PI4KA: variants seen among roughly 807,000 people sequenced by gnomAD.
PI4KA encodes the protein PI4-kinase alpha.
In PI4KA, 122 loss-of-function variants were observed where a neutral mutation model predicts 271.4. That is an observed-to-expected ratio of 0.45 (90% confidence interval 0.39 to 0.52). The LOEUF (loss-of-function observed/expected upper bound fraction) is 0.52. PI4KA is among the 20% of genes least tolerant of loss of function. PI4KA has a pLI of 0.00. For missense variants in PI4KA, 1,969 were observed against 2,769.1 expected (o/e 0.71, Z 6.48); for synonymous variants, 1,041 against 1,078.8 (o/e 0.96, Z 0.69).
chr22:20,781,884 T>C (rs1165798259), intron 19 of PI4KA, among the ~76,000 whole-genome samples: 2 of 152,166 alleles, frequency 1.3e-5, no homozygotes, highest in Non-Finnish European at 2.9e-5. Context: ...CTTATCTTTA[T>C]CACAGAGATG....
chr22:20,722,699 G>C (rs572018793), intron 42 of PI4KA, among the ~76,000 whole-genome samples: 2 of 152,268 alleles, frequency 1.3e-5, no homozygotes, highest in East Asian at 3.9e-4. Context: ...TTAAAAAGGT[G>C]AGCTGGCCTT....
chr22:20,790,338 C>A (rs557354800), intron 19 of PI4KA, among the ~76,000 whole-genome samples: 1 of 152,192 alleles, frequency 6.6e-6, no homozygotes, highest in Non-Finnish European at 1.5e-5. Context: ...ACTCTATATA[C>A]AAAATAGAGT....
rs550569379 is a variant in PI4KA at position 20,741,202 on chromosome 22, G to C, written c.3741+1026C>G. On this transcript the variant is annotated intron_variant, in intron 32 of 54. Coordinates refer to ENST00000255882, the MANE Select transcript of PI4KA (RefSeq NM_058004.4). ...GTATCCACAGTGGCAATGGTATACA[G>C]CTGTCTCTGCAGAATCCTCTCCCTG... Among the ~76,000 whole-genome samples, 11 of 152,352 alleles carry C rather than the reference G, an allele frequency of 7.2e-5. No individual in the cohort carries two copies. In the South Asian group the frequency reaches 2.3e-3, roughly 32 times the overall value.
chr22:20,779,795 G>T, intron 19 of PI4KA: 2 of 1,614,200 alleles, frequency 1.2e-6, no homozygotes, highest in Non-Finnish European at 1.7e-6. Context: ...TTTCTACTGC[G>T]ATGGGTATGA....
chr22:20,813,321 T>C (rs751479812), intron 8 of PI4KA, 37 bp downstream of exon 8: 5 of 1,331,356 alleles, frequency 3.8e-6, no homozygotes, highest in African/African-American at 1.6e-5. Flanking sequence ...TTTACTGACA[T>C]ATCCATGGTC....
At chr22:20,749,816 T>C (rs1930479886) in intron 28 of PI4KA, 89 bp downstream of exon 28, 13 of 776,108 alleles carry the variant, frequency 1.7e-5, no homozygotes, top group South Asian at 1.4e-4. Context: ...ACTAGTGCTA[T>C]TTGGATTTTG....
chr22:20,719,109 G>A (rs542864866), intron 43 of PI4KA, among the ~76,000 whole-genome samples: 9 of 152,234 alleles, frequency 5.9e-5, no homozygotes, highest in East Asian at 5.8e-4. Context: ...AAAAAAGCCC[G>A]TGTCATTTAT....
At position 20,733,603 on chromosome 22, in the gene PI4KA, A is replaced by G. The variant is rs1928329836; in HGVS notation, c.4160+133T>C. The G allele has an allele frequency of 4.4e-6, 6 of 1,373,858 alleles. No homozygotes were observed. In the Admixed American group the frequency reaches 6.7e-5, roughly 15 times the overall value. 85.1% of individuals were successfully genotyped at this position (1,373,858 alleles called of 1,614,324 possible). On this transcript the variant is annotated intron_variant, in intron 35 of 54. Coordinates refer to ENST00000255882, the MANE Select transcript of PI4KA (RefSeq NM_058004.4). ...TAAATCCACAGGGCCAGGGATACTG[A>G]AGGAGGAGGTTGGTGAGCACAACTG...
At chr22:20,742,826 G>A in intron 30 of PI4KA, 62 bp from the exon 31 acceptor site, 5 of 1,525,306 alleles carry the variant, frequency 3.3e-6, no homozygotes, top group Non-Finnish European at 4.5e-6. Context: ...TAAGGTTCTG[G>A]AAGCCACCAG....
chr22:20,809,854 T>C (rs922153894), intron 9 of PI4KA, among the ~76,000 whole-genome samples: 6 of 152,120 alleles, frequency 3.9e-5, no homozygotes, highest in Admixed American at 3.9e-4. Flanking sequence ...GGCCAGCACA[T>C]ACATCTCACA....
intron 1 of PI4KA, among the ~76,000 whole-genome samples, chr22:20,850,218 A>G (rs1926784814): frequency 6.6e-6 from 1 of 152,114 alleles, no homozygotes; most frequent in South Asian, 2.1e-4. Flanking sequence ...AAAGCCCAAC[A>G]TTCCCTAAAG....
chr22:20,763,364 C>T (rs1374046927), intron 22 of PI4KA, among the ~76,000 whole-genome samples: 1 of 152,062 alleles, frequency 6.6e-6, no homozygotes, highest in African/African-American at 2.4e-5. Flanking sequence ...CCTGCCTCGG[C>T]CTCCCAAAGT....
chr22:20,851,812 C>A (rs1167591102), intron 1 of PI4KA, among the ~76,000 whole-genome samples: 7 of 152,186 alleles, frequency 4.6e-5, no homozygotes, highest in Non-Finnish European at 1.0e-4. Flanking sequence ...GTTTACCACA[C>A]AAATGAAAGT....
intron 23 of PI4KA, among the ~76,000 whole-genome samples, chr22:20,754,095 T>A (rs76886969): frequency 0.03 from 4,493 of 152,246 alleles, 89 homozygotes; most frequent in Middle Eastern, 0.061. Context: ...TCCCTTTTTC[T>A]ATTTTTTTTG....
Position 20,761,538 on chromosome 22 carries a change from G to C in PI4KA, c.2709-152C>G, listed in dbSNP as rs896241678. 7.3e-5 allele frequency: 47 copies of C among 645,310 alleles called. No homozygotes were observed. In the African/African-American group the frequency reaches 8.2e-4, roughly 11 times the overall value. 40.0% of individuals were successfully genotyped at this position (645,310 alleles called of 1,614,324 possible). A position where few individuals can be genotyped will look rare whatever the true frequency, so the allele number is the denominator to read the frequency against. ...CTGAGGTGGACTTTTTGGAGGGTGA[G>C]GTGCACCATCTATTATACATTCCCA... On this transcript the variant is annotated intron_variant, in intron 22 of 54. Transcript: ENST00000255882.
intron 28 of PI4KA, among the ~76,000 whole-genome samples, 196 bp downstream of exon 28, chr22:20,749,709 C>A (rs866555852): frequency 6.6e-6 from 1 of 152,270 alleles, no homozygotes; most frequent in Non-Finnish European, 1.5e-5. Flanking sequence ...TGTGCCCTGG[C>A]CAGCACTGGC....
At chr22:20,767,697 C>T (rs375725290) in intron 19 of PI4KA, among the ~76,000 whole-genome samples, 44 of 151,726 alleles carry the variant, frequency 2.9e-4, no homozygotes, top group Middle Eastern at 3.4e-3. Flanking sequence ...TGCCGAGGCA[C>T]AACCTCAGCT....
chr22:20,786,749 C>A (rs1934267274), intron 19 of PI4KA: 10 of 974,006 alleles, frequency 1.0e-5, no homozygotes, highest in Non-Finnish European at 1.5e-5. Flanking sequence ...GTGACTCTGA[C>A]CAGCTGTGAT....
intron 19 of PI4KA, among the ~76,000 whole-genome samples, chr22:20,770,664 G>A (rs1932835908): frequency 6.7e-6 from 1 of 149,148 alleles, no homozygotes; most frequent in South Asian, 2.1e-4. Context: ...CAGTGACAGG[G>A]CAAAGGTTCC....
Sources: allele counts gnomAD v4.1 joint callset (sites outside exome capture counted in the v4.1 genomes callset), GRCh38; gene constraint gnomAD v4.1.1; transcripts MANE v1.5; gene names NCBI Gene and HGNC (gene_info 2026-07-23, HGNC 2026-07-21).